Variants in SLC16A7 observed in about 807,000 individuals in gnomAD.
SLC16A7 encodes monocarboxylate transporter 2.
In SLC16A7, 33 loss-of-function variants were observed where a neutral mutation model predicts 34.9. The ratio of observed to expected loss-of-function variants is 0.94; its 90% confidence interval spans 0.72 to 1.26. SLC16A7 has a LOEUF of 1.26. SLC16A7 is among the 50% of genes most tolerant of loss of function. The pLI is 0.00. For missense variants in SLC16A7, 573 were observed against 578.1 expected, an observed-to-expected ratio of 0.99 and a Z score of 0.09; for synonymous variants, 201 against 206.6, an observed-to-expected ratio of 0.97 and a Z score of 0.23.
At chr12:59,664,357 C>G (rs180940143) in intron 2 of SLC16A7, among the ~76,000 whole-genome samples, 3 of 152,144 alleles carry the variant, frequency 2.0e-5, no homozygotes, top group Middle Eastern at 3.4e-3. Context: ...GTTGGGGACT[C>G]TTTGGGACAG....
intron 4 of SLC16A7, among the ~76,000 whole-genome samples, chr12:59,773,350 A>G (rs973419577): frequency 1.3e-5 from 2 of 152,068 alleles, no homozygotes; most frequent in African/African-American, 4.8e-5. Flanking sequence ...TTACTTATAG[A>G]AAATGTCTGT....
At chr12:59,668,889 T>G (rs1024727294) in intron 2 of SLC16A7, among the ~76,000 whole-genome samples, 3 of 152,146 alleles carry the variant, frequency 2.0e-5, no homozygotes, top group African/African-American at 7.2e-5. Context: ...TCTCACAAGG[T>G]CTGATGGTTT....
chr12:59,723,283 T>TA (rs1256628769), intron 3 of SLC16A7, among the ~76,000 whole-genome samples: 4 of 151,994 alleles, frequency 2.6e-5, no homozygotes, highest in Non-Finnish European at 5.9e-5. Context: ...AGAAGTTACT[T>TA]ACTTTCTTGG....
chr12:59,654,422 G>A (rs1288225639), intron 1 of SLC16A7, among the ~76,000 whole-genome samples: 1 of 151,286 alleles, frequency 6.6e-6, no homozygotes, highest in East Asian at 1.9e-4. Flanking sequence ...ACAATTTTGG[G>A]GTAAATACTA....
intron 3 of SLC16A7, among the ~76,000 whole-genome samples, chr12:59,730,159 G>C (rs1168621139): frequency 1.3e-5 from 2 of 151,330 alleles, no homozygotes; most frequent in Non-Finnish European, 2.9e-5. Flanking sequence ...ATCAGTTATT[G>C]CTAACATATT....
intron 1 of SLC16A7, among the ~76,000 whole-genome samples, chr12:59,653,659 T>C (rs1191210161): frequency 1.3e-5 from 2 of 151,686 alleles, no homozygotes; most frequent in African/African-American, 2.4e-5. Flanking sequence ...TCACAAGTTT[T>C]TGTGCAATTT....
chr12:59,765,809 A>G (rs913079659), intron 3 of SLC16A7, among the ~76,000 whole-genome samples: 1 of 152,228 alleles, frequency 6.6e-6, no homozygotes, highest in Non-Finnish European at 1.5e-5. Flanking sequence ...TTGACTTGGC[A>G]ATGCGGGCTC....
At chr12:59,705,209 C>T (rs75587126) in intron 3 of SLC16A7, among the ~76,000 whole-genome samples, 191 bp downstream of exon 3, 2,857 of 152,176 alleles carry the variant, frequency 0.019, 55 homozygotes, top group South Asian at 0.052. Flanking sequence ...CTATTTGCTT[C>T]GAATTGAGTC....
chr12:59,612,064 C>G (rs1002107680), intron 1 of SLC16A7, among the ~76,000 whole-genome samples: 1 of 152,226 alleles, frequency 6.6e-6, no homozygotes, highest in Non-Finnish European at 1.5e-5. Context: ...ACAGTTCCAC[C>G]AGGCGGTGCC....
intron 3 of SLC16A7, among the ~76,000 whole-genome samples, chr12:59,757,516 G>C (rs930042274): frequency 1.3e-5 from 2 of 152,104 alleles, no homozygotes; most frequent in Non-Finnish European, 2.9e-5. Context: ...ACTCTTCTAT[G>C]ATACAGGCAC....
intron 1 of SLC16A7, among the ~76,000 whole-genome samples, chr12:59,647,096 T>C (rs1468776222): frequency 6.6e-6 from 1 of 152,176 alleles, no homozygotes; most frequent in African/African-American, 2.4e-5. Context: ...AGGTTAATGC[T>C]GAAATGAGTT....
intron 2 of SLC16A7, among the ~76,000 whole-genome samples, chr12:59,675,805 A>T (rs1411074019): frequency 6.6e-6 from 1 of 152,192 alleles, no homozygotes; most frequent in Non-Finnish European, 1.5e-5. Context: ...CCTGGATCAG[A>T]TGTCCTGATG....
chr12:59,647,822 C>T (rs1006326848), intron 1 of SLC16A7, among the ~76,000 whole-genome samples: 6 of 151,880 alleles, frequency 4.0e-5, no homozygotes, highest in African/African-American at 1.2e-4. Context: ...TTGGGAGGAT[C>T]GCTTGATGCC....
rs1883739554 is a variant in SLC16A7 at position 59,787,991 on chromosome 12, G to A, written c.*8312G>A. 1 of 152,132 alleles carries A rather than the reference G, an allele frequency of 6.6e-6. No homozygotes were observed. Among genetic ancestry groups the A allele is most frequent in the African/African-American group, 2.4e-5 (1 of 41,432 alleles). The allele number at this position is 152,132 out of a possible 1,614,324, so 9.4% of individuals were successfully genotyped here. On this transcript the variant is annotated 3_prime_UTR_variant, in exon 6 of 6. Transcript: ENST00000547379. ...GTCTTTTCAAGTGCTTGCTACAACT[G>A]ACTAAATTTGAAGCTTTTTATGTAA...
chr12:59,628,687 C>A (rs191467895), intron 1 of SLC16A7, among the ~76,000 whole-genome samples: 3 of 151,254 alleles, frequency 2.0e-5, no homozygotes, highest in Non-Finnish European at 3.0e-5. Context: ...TGTGTGTGTG[C>A]GCGTATTTTG....
rs768346436 is a variant in SLC16A7 at position 59,774,635 on chromosome 12, AC to A, written c.362-21del. The A allele has an allele frequency of 6.9e-6, 10 of 1,456,946 alleles. No homozygotes were observed. The East Asian group carries it at 2.3e-4, about 33-fold the overall frequency. 90.3% of individuals were successfully genotyped at this position (1,456,946 alleles called of 1,614,324 possible). A position where few individuals can be genotyped will look rare whatever the true frequency, so the allele number is the denominator to read the frequency against. ...CCATAATGTGTTTGTGTTTTCCCCC[AC>A]TTTTGTTTTGTTCTTTTTAGGTTTA... On this transcript the variant is annotated intron_variant, in intron 4 of 5. Transcript: ENST00000547379.
At chr12:59,610,103 C>G (rs987798546) in intron 1 of SLC16A7, among the ~76,000 whole-genome samples, 4 of 152,150 alleles carry the variant, frequency 2.6e-5, no homozygotes, top group African/African-American at 7.2e-5. Flanking sequence ...TACATGTTTT[C>G]TTCCGAGGTA....
At chr12:59,625,526 A>C (rs902352078) in intron 1 of SLC16A7, among the ~76,000 whole-genome samples, 5 of 151,780 alleles carry the variant, frequency 3.3e-5, no homozygotes, top group Admixed American at 6.6e-5. Flanking sequence ...AAACTTCCTT[A>C]ATGATTGTGT....
chr12:59,660,954 A>G (rs1868816227), intron 2 of SLC16A7, among the ~76,000 whole-genome samples: 1 of 152,144 alleles, frequency 6.6e-6, no homozygotes, highest in Non-Finnish European at 1.5e-5. Context: ...TATTTTACAA[A>G]TGGCAGTAAA....
Sources: allele counts gnomAD v4.1 joint callset (sites outside exome capture counted in the v4.1 genomes callset), GRCh38; gene constraint gnomAD v4.1.1; transcripts MANE v1.5; gene names NCBI Gene and HGNC (gene_info 2026-07-23, HGNC 2026-07-21).